The following HMGN5 variants were observed in gnomAD, a reference collection of about 807,000 sequenced individuals.
HMGN5 encodes the protein high mobility group nucleosome-binding domain-containing protein 5.
HMGN5 carries 4 observed loss-of-function variants against 9.5 expected under a neutral mutation model. The ratio of observed to expected loss-of-function variants is 0.42; its 90% CI spans 0.21 to 0.96. The LOEUF (loss-of-function observed/expected upper bound fraction) is 0.96. Ranked by LOEUF, HMGN5 falls within the 40% of genes least tolerant of loss-of-function variation. HMGN5 has a pLI of 0.30. For synonymous variants in HMGN5, 55 were observed against 57.1 expected (o/e 0.96, Z 0.16); for missense variants, 192 against 187.5 (o/e 1.02, Z -0.14).
chrX:81,121,674 TG>T lies in HMGN5; in HGVS notation c.-123-3del, dbSNP rs2075269093. Reference sequence around the variant, plus strand: ...CTGCAGCACGACCTGTACTCTCCTCTGGAAAAAAAAAAAATCCCTCGTTATT... The same window carrying T: ...CTGCAGCACGACCTGTACTCTCCTCTGAAAAAAAAAAAATCCCTCGTTATT... On this transcript the variant is annotated splice_region_variant and splice_polypyrimidine_tract_variant and intron_variant, in intron 1 of 6. Transcript: ENST00000358130. The T allele has an allele frequency of 4.7e-6, 2 of 427,015 alleles. No homozygotes were observed. The highest frequency in any genetic ancestry group is 7.9e-6 in the Non-Finnish European group (2 of 253,123). 35.2% of individuals were successfully genotyped at this position (427,015 alleles called of 1,213,427 possible).
At chrX:81,155,075 G>GTATATATATATATATATATATATA (rs761895749) in intron 1 of HMGN5, among the ~76,000 whole-genome samples, 2 of 68,982 alleles carry the variant, frequency 2.9e-5, no homozygotes, top group African/African-American at 1.1e-4. Flanking sequence ...GTATATATCA[G>GTATATATATATATATATATATATA]TATATATATA....
chrX:81,152,750 G>A (rs1210843168), intron 1 of HMGN5, among the ~76,000 whole-genome samples: 7 of 109,490 alleles, frequency 6.4e-5, no homozygotes, highest in African/African-American at 1.3e-4. Flanking sequence ...CAACCCAAAT[G>A]TCCAACAATG....
At position 81,115,119 on chromosome X, in the gene HMGN5, C is replaced by T. The variant is rs2075249649; in HGVS notation, c.379G>A (p.Glu127Lys). The T allele has an allele frequency of 8.6e-7, 1 of 1,157,966 alleles. No homozygotes were observed. Among genetic ancestry groups the T allele is most frequent in the African/African-American group, 1.8e-5 (1 of 55,120 alleles). Residue 127 changes from glutamate to lysine, a missense_variant, in exon 7 of 7, where the codon GAA becomes AAA. Glu to Lys is a moderately conservative substitution (Grantham distance 56, BLOSUM62 1). Transcript: ENST00000358130. ...EAVAAEVKNE[E>K]EDQKEDEEDQ... ...TCTTCATCTTCTTTCTGATCTTCTT[C>T]TTCATTTTTTACTTCTGCTGCCACT...
chrX:81,184,349 A>G (rs2075471167), intron 1 of HMGN5, among the ~76,000 whole-genome samples: 1 of 111,669 alleles, frequency 9.0e-6, no homozygotes, highest in African/African-American at 3.3e-5. Context: ...TCAATAATTG[A>G]AAGTTTCCTG....
intron 1 of HMGN5, among the ~76,000 whole-genome samples, chrX:81,198,870 C>G (rs1473900462): frequency 8.9e-6 from 1 of 111,738 alleles, no homozygotes; most frequent in East Asian, 2.8e-4. Context: ...GTTGGAAGTT[C>G]TGGCTAGGGC....
chrX:81,157,740 C>T (rs1245170489), intron 1 of HMGN5, among the ~76,000 whole-genome samples: 1 of 111,100 alleles, frequency 9.0e-6, no homozygotes, highest in Non-Finnish European at 1.9e-5. Context: ...GCCTGAGTTT[C>T]CTGGAGTTAT....
intron 1 of HMGN5, among the ~76,000 whole-genome samples, chrX:81,165,818 C>T (rs1413080587): frequency 9.0e-6 from 1 of 111,662 alleles, no homozygotes; most frequent in Non-Finnish European, 1.9e-5. Flanking sequence ...CTTGTTCTAC[C>T]TTTTTTGTGT....
intron 1 of HMGN5, among the ~76,000 whole-genome samples, chrX:81,157,615 C>G (rs771194086): frequency 1.2e-4 from 13 of 111,171 alleles, no homozygotes; most frequent in Admixed American, 3.8e-4. Flanking sequence ...CTCCAGAGTG[C>G]TAATACTAAT....
chrX:81,170,598 T>C (rs2075423623), intron 1 of HMGN5, among the ~76,000 whole-genome samples: 1 of 111,240 alleles, frequency 9.0e-6, no homozygotes, highest in South Asian at 3.8e-4. Context: ...AAGAGTAAAA[T>C]CAATGATCCT....
At chrX:81,133,734 G>A (rs909217936) in intron 1 of HMGN5, among the ~76,000 whole-genome samples, 3 of 110,606 alleles carry the variant, frequency 2.7e-5, no homozygotes, top group Admixed American at 9.7e-5. Context: ...AGGAGGGAGA[G>A]GATCAGGAAA....
At chrX:81,121,886 A>G (rs921085056) in intron 1 of HMGN5, among the ~76,000 whole-genome samples, 1 of 112,619 alleles carries the variant, frequency 8.9e-6, no homozygotes, top group Non-Finnish European at 1.9e-5. Context: ...GTGGCGGAGC[A>G]CGCGAACTTA....
chrX:81,118,177 T>A (rs1475870884), intron 5 of HMGN5, among the ~76,000 whole-genome samples: 1 of 111,218 alleles, frequency 9.0e-6, no homozygotes, highest in Non-Finnish European at 1.9e-5. Context: ...AGCAAAGGCA[T>A]GTACATTTAA....
chrX:81,175,842 TC>T (rs1278207111), intron 1 of HMGN5, among the ~76,000 whole-genome samples: 2 of 111,689 alleles, frequency 1.8e-5, no homozygotes, highest in African/African-American at 6.5e-5. Flanking sequence ...TAGGAACAGC[TC>T]CAGTCGGCAG....
rs183436480 is a variant in HMGN5 at position 81,190,444 on chromosome X, C to T, written c.-124+11293G>A. On this transcript the variant is annotated intron_variant, in intron 1 of 6. Coordinates refer to ENST00000358130, the MANE Select transcript of HMGN5 (RefSeq NM_030763.3). ...ATTCTCACGACCCCATAAATAAACCCCATACCCTTTAGTTCTCACCTCCCA... is the reference window on the plus strand; with the variant it reads ...ATTCTCACGACCCCATAAATAAACCTCATACCCTTTAGTTCTCACCTCCCA... Among the ~76,000 whole-genome samples the T allele has an allele frequency of 2.0e-3, 226 of 111,029 alleles. 1 individual carries two copies. Among genetic ancestry groups the T allele is most frequent in the Non-Finnish European group, 5.3e-4 (28 of 52,888 alleles).
intron 1 of HMGN5, among the ~76,000 whole-genome samples, chrX:81,142,674 C>A (rs184452498): frequency 0.011 from 1,241 of 111,227 alleles, 12 homozygotes; most frequent in African/African-American, 0.038. Context: ...TCCAGAAAAA[C>A]AAAAGATGAG....
At chrX:81,143,898 C>T (rs922841429) in intron 1 of HMGN5, among the ~76,000 whole-genome samples, 3 of 112,189 alleles carry the variant, frequency 2.7e-5, no homozygotes, top group African/African-American at 9.7e-5. Flanking sequence ...TTGAACTGGG[C>T]AGAGCCCACC....
At chrX:81,136,117 C>T (rs759950857) in intron 1 of HMGN5, among the ~76,000 whole-genome samples, 1 of 111,606 alleles carries the variant, frequency 9.0e-6, no homozygotes, top group Non-Finnish European at 1.9e-5. Context: ...AATTTCTTGT[C>T]TTGATAATGT....
At chrX:81,180,742 C>T (rs944288787) in intron 1 of HMGN5, among the ~76,000 whole-genome samples, 7 of 111,681 alleles carry the variant, frequency 6.3e-5, no homozygotes, top group African/African-American at 2.3e-4. Context: ...TATAAAGACA[C>T]ATGCACACGT....
Position 81,119,817 on chromosome X carries a change from C to T in HMGN5, c.16G>A (p.Ala6Thr), listed in dbSNP as rs746258686. 8.3e-7 allele frequency: 1 copy of T among 1,201,446 alleles called. No individual in the cohort carries two copies. Among genetic ancestry groups the T allele is most frequent in the Admixed American group, 2.2e-5 (1 of 45,980 alleles). ...TGCCTCATATCACCTTGACCTGCAG[C>T]CTACACAGAGGAGAAAACCACACAG... MPKRK[A>T]AGQGDMRQEP... The change falls in exon 3 of 7, where the codon GCT becomes ACT. Residue 6 changes from alanine (A) to threonine (T), a missense_variant and splice_region_variant. By Grantham distance (58) the Ala-to-Thr change is moderately conservative (BLOSUM62 0). Coordinates refer to ENST00000358130, the MANE Select transcript of HMGN5 (RefSeq NM_030763.3).
Sources: gnomAD v4.1 joint callset for allele counts (sites outside exome capture counted in the v4.1 genomes callset) on GRCh38, gnomAD v4.1.1 for gene constraint, MANE v1.5 for transcripts, NCBI Gene and HGNC (gene_info 2026-07-23, HGNC 2026-07-21) for gene names.